Variants in RLF observed in about 807,000 individuals in gnomAD.
RLF encodes zinc finger protein Rlf.
A neutral mutation model predicts 162.9 loss-of-function variants in RLF; 7 were observed. That is an observed-to-expected ratio of 0.04 (90% CI 0.02 to 0.08). The LOEUF (loss-of-function observed/expected upper bound fraction) is 0.08, where lower values mean the gene tolerates loss of function less well. Ranked by LOEUF, RLF falls within the 10% of genes least tolerant of loss-of-function variation. The probability of loss-of-function intolerance (pLI) is 1.00; values close to 1 mark genes in which losing one functional copy is unlikely to be tolerated. For synonymous variants in RLF, 782 were observed against 791.5 expected (o/e 0.99, Z 0.20); for missense variants, 1,664 against 2,244.7 (o/e 0.74, Z 5.23).
At chr1:40,231,077 A>T (rs577444205) in intron 6 of RLF, among the ~76,000 whole-genome samples, 38 of 152,196 alleles carry the variant, frequency 2.5e-4, no homozygotes, top group African/African-American at 9.2e-4. Context: ...GGGCCCTTTA[A>T]GATCACTGTA....
At chr1:40,163,696 A>G (rs1642127572) in intron 1 of RLF, among the ~76,000 whole-genome samples, 1 of 152,234 alleles carries the variant, frequency 6.6e-6, no homozygotes, top group African/African-American at 2.4e-5. Flanking sequence ...AATAGAAAGC[A>G]CATGGGATTG....
chr1:40,199,580 A>G (rs1239789951), intron 4 of RLF, among the ~76,000 whole-genome samples: 1 of 152,218 alleles, frequency 6.6e-6, no homozygotes, highest in Non-Finnish European at 1.5e-5. Context: ...CTGAAATGTT[A>G]ACGTTTGTAC....
chr1:40,219,091 A>G (rs1281520244), intron 5 of RLF, among the ~76,000 whole-genome samples: 2 of 152,124 alleles, frequency 1.3e-5, no homozygotes, highest in Non-Finnish European at 2.9e-5. Context: ...TGTGGCATAT[A>G]TTTGTTTTTT....
At chr1:40,193,343 A>G (rs756381172) in intron 3 of RLF, among the ~76,000 whole-genome samples, 1 of 152,218 alleles carries the variant, frequency 6.6e-6, no homozygotes, top group Non-Finnish European at 1.5e-5. Context: ...AAAGGATTAC[A>G]TACCATTCTT....
Position 40,238,571 on chromosome 1 carries a change from G to A in RLF, c.3869G>A (p.Ser1290Asn), listed in dbSNP as rs750707079. 7.4e-6 allele frequency: 12 copies of A among 1,613,792 alleles called. No individual in the cohort carries two copies. The highest frequency in any genetic ancestry group is 8.5e-6 in the Non-Finnish European group (10 of 1,179,996). ...CAAGAAGGAAGAGAGGGCAGAGGTA[G>A]CAGGCGAACTGTTGCTAAAGGAAAT... Reference protein sequence around the residue: ...EEQEGREGRGSRRTVAKGNLC... With the variant: ...EEQEGREGRGNRRTVAKGNLC... The change falls in exon 8 of 8, where the codon AGC (serine) becomes AAC (asparagine). Residue 1290 changes from serine to asparagine, a missense_variant. Physicochemically the swap from Ser to Asn is conservative, Grantham distance 46. Transcript: ENST00000372771. This position sits in a 1 kb window ranked among gnomAD's most constrained non-coding sequence, Gnocchi z 5.2.
intron 1 of RLF, among the ~76,000 whole-genome samples, chr1:40,174,585 T>C (rs1443892175): frequency 6.6e-6 from 1 of 152,200 alleles, no homozygotes; most frequent in Admixed American, 6.5e-5. Flanking sequence ...CAAATATTTG[T>C]CTTGTCTATT....
intron 4 of RLF, among the ~76,000 whole-genome samples, chr1:40,197,817 C>G (rs1428792189): frequency 6.6e-6 from 1 of 152,114 alleles, no homozygotes; most frequent in Non-Finnish European, 1.5e-5. Context: ...AATTTCAGGT[C>G]AAAAGATTAA....
At chr1:40,234,649 G>C (rs1643195366) in intron 7 of RLF, among the ~76,000 whole-genome samples, 1 of 152,248 alleles carries the variant, frequency 6.6e-6, no homozygotes, top group Non-Finnish European at 1.5e-5. Context: ...CTGAAGTTTA[G>C]AGGTTGAGAA....
At chr1:40,196,801 A>G (rs1642644346) in intron 4 of RLF, among the ~76,000 whole-genome samples, 1 of 152,240 alleles carries the variant, frequency 6.6e-6, no homozygotes, top group Admixed American at 6.5e-5. Context: ...ATATCTGGCC[A>G]GAATGAAATA....
intron 1 of RLF, among the ~76,000 whole-genome samples, chr1:40,174,581 TTTGTC>T (rs1238025746): frequency 4.6e-5 from 7 of 152,198 alleles, no homozygotes; most frequent in Non-Finnish European, 1.0e-4. Flanking sequence ...TCTCCAAATA[TTTGTC>T]TTGTCTATTC....
chr1:40,168,679 A>C (rs557553984), intron 1 of RLF, among the ~76,000 whole-genome samples: 1 of 152,276 alleles, frequency 6.6e-6, no homozygotes, highest in African/African-American at 2.4e-5. Context: ...TTCATATAAA[A>C]TGCATTAAAT....
At chr1:40,189,818 A>T (rs1046404929) in intron 2 of RLF, among the ~76,000 whole-genome samples, 1 of 152,016 alleles carries the variant, frequency 6.6e-6, no homozygotes, top group South Asian at 2.1e-4. Flanking sequence ...AAAAAAAAAG[A>T]ACGTGATTTA....
chr1:40,204,774 T>G (rs1427403328), intron 5 of RLF, among the ~76,000 whole-genome samples: 1 of 152,070 alleles, frequency 6.6e-6, no homozygotes, highest in Non-Finnish European at 1.5e-5. Flanking sequence ...AGTTGCATAG[T>G]TTTTTCTTAT....
At chr1:40,173,192 T>C (rs1392495847) in intron 1 of RLF, among the ~76,000 whole-genome samples, 1 of 150,836 alleles carries the variant, frequency 6.6e-6, no homozygotes, top group Non-Finnish European at 1.5e-5. Context: ...TTCTCCTGCC[T>C]CAGCCTCTTG....
intron 4 of RLF, among the ~76,000 whole-genome samples, chr1:40,200,932 ACACACACT>A (rs1472415855): frequency 9.6e-5 from 11 of 114,782 alleles, no homozygotes; most frequent in Non-Finnish European, 1.8e-4. Context: ...ACACACACAC[ACACACACT>A]GGTTTATCCT....
intron 5 of RLF, among the ~76,000 whole-genome samples, chr1:40,208,728 G>A (rs113075102): frequency 4.6e-5 from 7 of 152,278 alleles, no homozygotes; most frequent in African/African-American, 1.7e-4. Flanking sequence ...GAGGTGGGAG[G>A]ATTGCTTGAG....
intron 5 of RLF, among the ~76,000 whole-genome samples, chr1:40,216,376 T>C (rs1642924176): frequency 6.6e-6 from 1 of 151,788 alleles, no homozygotes; most frequent in Non-Finnish European, 1.5e-5. Flanking sequence ...TAGTCCCAGC[T>C]ACTCAGGAGG....
intron 6 of RLF, among the ~76,000 whole-genome samples, chr1:40,224,612 G>T (rs374332373): frequency 0.18 from 2,200 of 12,234 alleles, no homozygotes; most frequent in Non-Finnish European, 0.22. Context: ...CCCTTCCATT[G>T]TTTTTGAAAG....
chr1:40,195,450 A>T (rs943203245), intron 3 of RLF, among the ~76,000 whole-genome samples, 182 bp from the exon 4 acceptor site: 1 of 139,824 alleles, frequency 7.2e-6, no homozygotes, highest in Admixed American at 7.4e-5. Context: ...TTCTGTCTTT[A>T]AAAAAAAAAA....
Sources: gnomAD v4.1 joint callset for allele counts (sites outside exome capture counted in the v4.1 genomes callset) on GRCh38, gnomAD v4.1.1 for gene constraint, Gnocchi (gnomAD v3.1) non-coding constraint, MANE v1.5 for transcripts, NCBI Gene and HGNC (gene_info 2026-07-23, HGNC 2026-07-21) for gene names.